The following TRAPPC8 variants were observed in gnomAD, a reference collection of about 807,000 sequenced individuals.
TRAPPC8 encodes the protein trafficking protein particle complex subunit 8.
In TRAPPC8, 54 loss-of-function variants were observed where a neutral mutation model predicts 174.3. The observed-to-expected ratio is 0.31, with a 90% confidence interval of 0.25 to 0.39. TRAPPC8 has a LOEUF of 0.39. TRAPPC8 is among the 10% of genes least tolerant of loss of function. The pLI is 1.00. For missense variants in TRAPPC8, 1,531 were observed against 1,699.1 expected (o/e 0.90, Z 1.74); for synonymous variants, 630 against 579.9 (o/e 1.09, Z -1.24).
chr18:31,894,473 G>GA (rs147324270), intron 11 of TRAPPC8, among the ~76,000 whole-genome samples: 7 of 150,568 alleles, frequency 4.6e-5, no homozygotes, highest in African/African-American at 1.5e-4. Flanking sequence ...AAGAAACTAA[G>GA]AAAAAAAAAT....
intron 1 of TRAPPC8, chr18:31,937,438 G>A (rs1465616720): frequency 1.3e-5 from 2 of 151,246 alleles, no homozygotes; most frequent in African/African-American, 2.4e-5. Context: ...GCTGATGAGG[G>A]AGGATATTTT....
At chr18:31,836,214 G>T (rs11081718) in intron 27 of TRAPPC8, among the ~76,000 whole-genome samples, 54,015 of 151,992 alleles carry the variant, frequency 0.36, 10,102 homozygotes, top group South Asian at 0.57. Context: ...CATTGGAAAT[G>T]TCAGAAATTC....
chr18:31,840,667 T>C (rs540115214), intron 26 of TRAPPC8, among the ~76,000 whole-genome samples: 19 of 152,340 alleles, frequency 1.2e-4, no homozygotes, highest in African/African-American at 3.4e-4. Context: ...ATACTGTCTA[T>C]GGCTGCTTTT....
At chr18:31,846,587 A>G in intron 26 of TRAPPC8, 129 bp downstream of exon 26, 1 of 716,910 alleles carries the variant, frequency 1.4e-6, no homozygotes, top group Non-Finnish European at 2.3e-6. Flanking sequence ...AAACAACAAC[A>G]AAAAAAACCA....
chr18:31,857,650 G>C lies in TRAPPC8; in HGVS notation c.3078C>G (p.Pro1026=), dbSNP rs61735999. ...PVPLPDTVLL[P]GASVQLPMWL... is the part of the protein sequence containing the mutation. ...ACATTGGCAGCTGCACTGAGGCTCC[G>C]GGTAGAAGAACAGTGTCAGGAAGGG... The change falls in exon 20 of 29, where the codon CCC becomes CCG. Residue 1026 remains proline (P), a synonymous_variant. Coordinates refer to ENST00000283351, the MANE Select transcript of TRAPPC8 (RefSeq NM_014939.5). 1.9e-6 allele frequency: 3 copies of C among 1,614,086 alleles called. No individual in the cohort carries two copies. The highest frequency in any genetic ancestry group is 2.5e-6 in the Non-Finnish European group (3 of 1,180,006).
intron 26 of TRAPPC8, chr18:31,845,307 A>G (rs2033341234): frequency 6.6e-6 from 1 of 152,206 alleles, no homozygotes; most frequent in Non-Finnish European, 1.5e-5. Context: ...AAAGAGATAT[A>G]ACAACTGAAT....
Position 31,908,983 on chromosome 18 carries a change from T to C in TRAPPC8, c.893A>G (p.His298Arg). ...KDGLPNNFRA[H>R]PLQLEQSSDP... ...ACTGGATTGCTCCAACTGAAGTGGGTGAGCTCTAAAGTTATTTGGTAAGCC... is the reference window on the plus strand; with the variant it reads ...ACTGGATTGCTCCAACTGAAGTGGGCGAGCTCTAAAGTTATTTGGTAAGCC... Residue 298 changes from histidine (H) to arginine (R), a missense_variant, in exon 7 of 29, where the codon CAC (histidine) becomes CGC (arginine). By Grantham distance (29) the His-to-Arg change is conservative. Coordinates refer to ENST00000283351, the MANE Select transcript of TRAPPC8 (RefSeq NM_014939.5). 1 of 1,611,384 alleles carries C rather than the reference T, an allele frequency of 6.2e-7. No individual in the cohort carries two copies. The highest frequency in any genetic ancestry group is 8.5e-7 in the Non-Finnish European group (1 of 1,178,606).
chr18:31,929,611 A>T (rs931131881), intron 2 of TRAPPC8, among the ~76,000 whole-genome samples: 5 of 152,134 alleles, frequency 3.3e-5, no homozygotes, highest in Non-Finnish European at 5.9e-5. Flanking sequence ...GGCTACAGTG[A>T]ACTGTGATAG....
intron 12 of TRAPPC8, among the ~76,000 whole-genome samples, chr18:31,885,804 G>A (rs1380712216): frequency 1.3e-5 from 2 of 151,592 alleles, no homozygotes; most frequent in Non-Finnish European, 2.9e-5. Context: ...AGGTTGCAGT[G>A]AGCCGAGATC....
At chr18:31,866,553 ATGGTTAGAATTTATT>A (rs1454866366) in intron 18 of TRAPPC8, among the ~76,000 whole-genome samples, 7 of 152,152 alleles carry the variant, frequency 4.6e-5, no homozygotes, top group Middle Eastern at 3.2e-3. Context: ...CAGACAATCA[ATGGTTAGAATTTATT>A]TGGTTAGAAT....
At chr18:31,885,092 C>T (rs1311002045) in intron 12 of TRAPPC8, among the ~76,000 whole-genome samples, 7 of 152,062 alleles carry the variant, frequency 4.6e-5, no homozygotes, top group Admixed American at 2.0e-4. Context: ...CTCCTGACCT[C>T]GTGATCCGCC....
intron 26 of TRAPPC8, among the ~76,000 whole-genome samples, 173 bp from the exon 27 acceptor site, chr18:31,839,630 T>C (rs913275593): frequency 1.3e-5 from 2 of 152,164 alleles, no homozygotes; most frequent in African/African-American, 4.8e-5. Flanking sequence ...TAATCTAAGA[T>C]AAAAAAATCA....
At chr18:31,922,054 AG>A (rs1246875321) in intron 2 of TRAPPC8, among the ~76,000 whole-genome samples, 1 of 152,186 alleles carries the variant, frequency 6.6e-6, no homozygotes, top group East Asian at 1.9e-4. Flanking sequence ...GTACTAAAAG[AG>A]TAACTGTAAT....
intron 11 of TRAPPC8, among the ~76,000 whole-genome samples, chr18:31,893,069 C>T (rs2036029598): frequency 6.7e-6 from 1 of 149,574 alleles, no homozygotes; most frequent in Non-Finnish European, 1.5e-5. Context: ...ACATACATTT[C>T]ATTGTAGGAC....
In TRAPPC8 at chr18:31,867,399, TACC is replaced by T; in HGVS notation, c.2463_2463+2del. On this transcript the variant is annotated splice_donor_variant and coding_sequence_variant, in exon 17 of 29. Transcript: ENST00000283351. LOFTEE classifies it high-confidence loss of function. ...TAAAGCAGAGAAATGATAAAATAAT[TACC>T]ACTTTTGATTCTTCGCCATTAATTA... 6.3e-7 allele frequency: 1 copy of T among 1,592,602 alleles called. No homozygotes were observed. The highest frequency in any genetic ancestry group is 8.6e-7 in the Non-Finnish European group (1 of 1,162,120).
chr18:31,868,463 C>T (rs1447039789), intron 16 of TRAPPC8, among the ~76,000 whole-genome samples: 2 of 152,130 alleles, frequency 1.3e-5, no homozygotes, highest in African/African-American at 4.8e-5. Flanking sequence ...GACTAATATA[C>T]TTAAAAAGCT....
chr18:31,942,064 G>A (rs1012334446), intron 1 of TRAPPC8, among the ~76,000 whole-genome samples: 13 of 152,172 alleles, frequency 8.5e-5, no homozygotes, highest in Non-Finnish European at 1.8e-4. Flanking sequence ...TTTCTTGAGA[G>A]GTTAAGCAAA....
chr18:31,860,913 T>C (rs888738956), intron 19 of TRAPPC8, among the ~76,000 whole-genome samples: 2 of 152,218 alleles, frequency 1.3e-5, no homozygotes, highest in African/African-American at 4.8e-5. Flanking sequence ...CTTTCATCCA[T>C]AGCTGAAAGT....
intron 18 of TRAPPC8, among the ~76,000 whole-genome samples, chr18:31,865,849 C>T (rs1214393654): frequency 6.6e-6 from 1 of 150,808 alleles, no homozygotes; most frequent in East Asian, 1.9e-4. Context: ...TAAACTTTGT[C>T]TGGTTCTTGT....
Sources: allele counts gnomAD v4.1 joint callset (sites outside exome capture counted in the v4.1 genomes callset), GRCh38; gene constraint gnomAD v4.1.1; transcripts MANE v1.5; gene names NCBI Gene and HGNC (gene_info 2026-07-23, HGNC 2026-07-21).